FAT4: variants seen among roughly 807,000 people sequenced by gnomAD.
FAT4 encodes protocadherin Fat 4.
Under a neutral mutation model 303.9 loss-of-function variants are expected in FAT4, and 84 were observed. The observed-to-expected ratio is 0.28, with a 90% CI of 0.23 to 0.33. The LOEUF is 0.33. Among genes scored for constraint, FAT4 ranks in the 10% least tolerant of loss-of-function variants. The pLI is 1.00. For synonymous variants in FAT4, 2,307 were observed against 2,298.8 expected, an observed-to-expected ratio of 1.00 and a Z score of -0.10; for missense variants, 6,005 against 6,146.8, an observed-to-expected ratio of 0.98 and a Z score of 0.77.
At chr4:125,482,594 T>C (rs1506364) in intron 16 of FAT4, among the ~76,000 whole-genome samples, 52,748 of 151,902 alleles carry the variant, frequency 0.35, 9,588 homozygotes, top group East Asian at 0.6. Flanking sequence ...TAATTTTTTA[T>C]ATAAATTTTA....
intron 2 of FAT4, among the ~76,000 whole-genome samples, 175 bp from the exon 3 acceptor site, chr4:125,398,609 C>T (rs549558635): frequency 2.6e-4 from 39 of 152,170 alleles, no homozygotes; most frequent in Admixed American, 5.2e-4. Flanking sequence ...TTTATGTTTT[C>T]GTGTAAAGAT....
At chr4:125,335,099 T>C (rs1410896516) in intron 2 of FAT4, among the ~76,000 whole-genome samples, 23 of 152,116 alleles carry the variant, frequency 1.5e-4, no homozygotes, top group Admixed American at 1.4e-3. Context: ...ATTTTCTCTG[T>C]AGGACAAGAC....
chr4:125,360,904 T>A (rs1399560370), intron 2 of FAT4, among the ~76,000 whole-genome samples: 2 of 146,976 alleles, frequency 1.4e-5, no homozygotes, highest in African/African-American at 4.9e-5. Context: ...TTAAATTTTT[T>A]ATTTATTTAT....
Position 125,319,154 on chromosome 4 carries a change from G to A in FAT4, c.2743G>A (p.Ala915Thr). Reference protein sequence around the residue: ...NWQAGHSIFQAKAVDPDEGVN... With the variant: ...NWQAGHSIFQTKAVDPDEGVN... ...GCAGGCAGGTCACAGCATTTTCCAG[G>A]CCAAAGCTGTGGACCCTGATGAAGG... Residue 915 changes from alanine (A) to threonine (T), a missense_variant, in exon 2 of 18, where the codon GCC (alanine) becomes ACC (threonine). By Grantham distance (58) the Ala-to-Thr change is moderately conservative (BLOSUM62 0). Coordinates refer to ENST00000394329, the MANE Select transcript of FAT4 (RefSeq NM_001291303.3). 6.2e-7 allele frequency: 1 copy of A among 1,614,122 alleles called. No individual in the cohort carries two copies. The highest frequency in any genetic ancestry group is 8.5e-7 in the Non-Finnish European group (1 of 1,180,020).
intron 2 of FAT4, among the ~76,000 whole-genome samples, chr4:125,328,655 C>A (rs879676197): frequency 6.6e-6 from 1 of 152,150 alleles, no homozygotes; most frequent in Non-Finnish European, 1.5e-5. Flanking sequence ...ATATATAAAT[C>A]GTTTATGTTA....
chr4:125,343,940 T>C (rs558257609), intron 2 of FAT4, among the ~76,000 whole-genome samples: 2 of 152,130 alleles, frequency 1.3e-5, no homozygotes, highest in Non-Finnish European at 2.9e-5. Context: ...CTGGATCATG[T>C]TGTGTTCTAA....
intron 3 of FAT4, among the ~76,000 whole-genome samples, chr4:125,400,533 T>A (rs555151348): frequency 2.0e-5 from 3 of 152,014 alleles, no homozygotes; most frequent in Non-Finnish European, 4.4e-5. Context: ...CTGACTTCCG[T>A]GTGTGTGTTT....
intron 2 of FAT4, among the ~76,000 whole-genome samples, chr4:125,332,003 G>A (rs886441708): frequency 3.3e-5 from 5 of 152,100 alleles, no homozygotes; most frequent in South Asian, 2.1e-4. Flanking sequence ...GGTAAGGATA[G>A]CCTACTTCAT....
At chr4:125,487,819 G>T (rs1248600659) in intron 17 of FAT4, among the ~76,000 whole-genome samples, 1 of 152,122 alleles carries the variant, frequency 6.6e-6, no homozygotes, top group African/African-American at 2.4e-5. Context: ...CAGAAAGTTT[G>T]TAATAAACTA....
chr4:125,336,999 G>A (rs543424478), intron 2 of FAT4, among the ~76,000 whole-genome samples: 2 of 151,918 alleles, frequency 1.3e-5, no homozygotes, highest in Non-Finnish European at 2.9e-5. Flanking sequence ...GGAGTATCAA[G>A]GATCATGAAA....
chr4:125,356,549 GTTTTT>G (rs57855830), intron 2 of FAT4, among the ~76,000 whole-genome samples: 1 of 131,442 alleles, frequency 7.6e-6, no homozygotes, highest in Non-Finnish European at 1.6e-5. Flanking sequence ...TTTGTTTTTT[GTTTTT>G]TTTTTTTTTT....
At chr4:125,442,518 C>A (rs1473949859) in intron 8 of FAT4, among the ~76,000 whole-genome samples, 1 of 152,036 alleles carries the variant, frequency 6.6e-6, no homozygotes, top group East Asian at 1.9e-4. Context: ...AACATGATGC[C>A]ACAGGTGGAA....
intron 2 of FAT4, among the ~76,000 whole-genome samples, chr4:125,333,051 A>G (rs1055511476): frequency 3.3e-5 from 5 of 152,102 alleles, no homozygotes; most frequent in African/African-American, 7.2e-5. Flanking sequence ...AAAAGTATAT[A>G]TACAACAAAG....
At chr4:125,468,231 C>A (rs1734300064) in intron 11 of FAT4, among the ~76,000 whole-genome samples, 1 of 152,088 alleles carries the variant, frequency 6.6e-6, no homozygotes, top group Admixed American at 6.5e-5. Context: ...TACTCCATTC[C>A]ACTAAGCCTT....
At chr4:125,371,393 G>A (rs1733108105) in intron 2 of FAT4, among the ~76,000 whole-genome samples, 1 of 151,762 alleles carries the variant, frequency 6.6e-6, no homozygotes, top group Admixed American at 6.6e-5. Context: ...AAGCAACAGT[G>A]GATAAGTTGG....
chr4:125,442,780 G>A (rs958844), intron 8 of FAT4, among the ~76,000 whole-genome samples: 151,157 of 152,184 alleles, frequency 0.99, 75,073 homozygotes, highest in Middle Eastern at 1. Flanking sequence ...CTCAACCTAT[G>A]TATAGATAGA....
chr4:125,449,619 A>G lies in FAT4; in HGVS notation c.8609A>G (p.Asn2870Ser). The change falls in exon 10 of 18, where the codon AAT becomes AGT. Residue 2870 changes from asparagine (N) to serine (S), a missense_variant. Asn to Ser is a conservative substitution (Grantham distance 46). Transcript: ENST00000394329. ...VTIFVTDIND[N>S]APRFSRTSYY... ...ATATTTGTGACAGACATCAATGACAATGCTCCAAGATTTAGCAGAACTTCC... is the reference window on the plus strand; with the variant it reads ...ATATTTGTGACAGACATCAATGACAGTGCTCCAAGATTTAGCAGAACTTCC... 1.9e-6 allele frequency: 3 copies of G among 1,613,932 alleles called. No homozygotes were observed. Among genetic ancestry groups the G allele is most frequent in the Non-Finnish European group, 1.7e-6 (2 of 1,179,928 alleles).
In FAT4 at chr4:125,450,725, G is replaced by A. The variant is rs958865660; in HGVS notation, c.9715G>A (p.Asp3239Asn). 6.2e-7 allele frequency: 1 copy of A among 1,614,082 alleles called. No individual in the cohort carries two copies. Among genetic ancestry groups the A allele is most frequent in the Non-Finnish European group, 8.5e-7 (1 of 1,180,008 alleles). ...AVIAYTVQSS[D>N]SDLFVIDPNT... ...GATTGCGTATACTGTACAGTCATCT[G>A]ACAGTGACCTCTTTGTCATTGACCC... The change falls in exon 10 of 18, where the codon GAC (aspartate) becomes AAC (asparagine). Residue 3239 changes from aspartate to asparagine, a missense_variant. Transcript: ENST00000394329.
intron 2 of FAT4, among the ~76,000 whole-genome samples, chr4:125,345,272 G>A (rs939680788): frequency 3.3e-5 from 5 of 151,970 alleles, no homozygotes; most frequent in South Asian, 4.1e-4. Context: ...ATAGAACAGC[G>A]AAAATATTCT....
Sources: gnomAD v4.1 joint callset for allele counts (sites outside exome capture counted in the v4.1 genomes callset) on GRCh38, gnomAD v4.1.1 for gene constraint, MANE v1.5 for transcripts, NCBI Gene and HGNC (gene_info 2026-07-23, HGNC 2026-07-21) for gene names.